GTPBP6: variants seen among roughly 807,000 people sequenced by gnomAD.
GTPBP6 encodes putative GTP-binding protein 6.
A neutral mutation model predicts 28.9 loss-of-function variants in GTPBP6; 33 were observed. The ratio of observed to expected loss-of-function variants is 1.14; its 90% CI spans 0.87 to 1.53. The LOEUF is 1.53. Among genes scored for constraint, GTPBP6 ranks in the 40% most tolerant of loss-of-function variants. The pLI, the probability that GTPBP6 is intolerant of heterozygous loss-of-function variation, is 0.00. For missense variants in GTPBP6, 507 were observed against 408.3 expected (o/e 1.24, Z -2.08); for synonymous variants, 231 against 192.7 (o/e 1.20, Z -1.65).
intron 1 of GTPBP6, among the ~76,000 whole-genome samples, chrX:317,569 T>TGGGGGTGGGGGGGGGGGG (rs1187572118): frequency 2.6e-5 from 3 of 117,548 alleles, no homozygotes; most frequent in Admixed American, 9.1e-5. Context: ...GGGTGGGGGG[T>TGGGGGTGGGGGGGGGGGG]GGGACTAGAC....
At chrX:315,198 G>A (rs1175924488) in intron 3 of GTPBP6, 31 bp downstream of exon 3, 5 of 398,638 alleles carry the variant, frequency 1.3e-5, no homozygotes, top group Admixed American at 4.4e-5. Context: ...GGAGTGCGGG[G>A]ACAAACACAG....
At chrX:309,550 G>A (rs1331423514) in intron 7 of GTPBP6, among the ~76,000 whole-genome samples, 2 of 152,182 alleles carry the variant, frequency 1.3e-5, no homozygotes, top group Non-Finnish European at 1.5e-5. Context: ...GTTAAGATGA[G>A]GTTACCCTGG....
At chrX:312,670 C>G (rs750761923) in intron 6 of GTPBP6, 96 bp downstream of exon 6, 1 of 1,286,550 alleles carries the variant, frequency 7.8e-7, no homozygotes, top group East Asian at 2.4e-5. Flanking sequence ...TCGTACGGCA[C>G]CACTGAGACG....
At chrX:314,293 G>A in intron 4 of GTPBP6, 76 bp from the exon 5 acceptor site, 2 of 1,232,200 alleles carry the variant, frequency 1.6e-6, no homozygotes, top group East Asian at 4.7e-5. Flanking sequence ...TGAAGGTGAA[G>A]GGGGCACTGA....
chrX:313,845 G>C (rs944460490), intron 5 of GTPBP6, among the ~76,000 whole-genome samples: 1 of 152,174 alleles, frequency 6.6e-6, no homozygotes, highest in African/African-American at 2.4e-5. Flanking sequence ...TTGGTGTCCA[G>C]GAGGGGAGAG....
rs1318430770 is a variant in GTPBP6, at chrX:315,222, G to A, written c.558+7C>T. 98 of 398,666 alleles carry A rather than the reference G, an allele frequency of 2.5e-4. No individual in the cohort carries two copies. The highest frequency in any genetic ancestry group is 1.7e-3 in the African/African-American group (81 of 48,760). 24.7% of individuals were successfully genotyped at this position (398,666 alleles called of 1,614,324 possible). A position where few individuals can be genotyped will look rare whatever the true frequency, so the allele number is the denominator to read the frequency against. ...GGACAAACACAGCAAGCCACATCCTGTGGTACCTTGGTCGGGGCAGCCATC... is the reference window on the plus strand; with the variant it reads ...GGACAAACACAGCAAGCCACATCCTATGGTACCTTGGTCGGGGCAGCCATC... On this transcript the variant is annotated splice_region_variant and intron_variant, in intron 3 of 9. Coordinates refer to ENST00000326153, the Ensembl canonical transcript of GTPBP6.
intron 5 of GTPBP6, among the ~76,000 whole-genome samples, 182 bp from the exon 6 acceptor site, chrX:313,106 C>T (rs546341864): frequency 1.4e-4 from 22 of 152,320 alleles, no homozygotes; most frequent in South Asian, 8.3e-4. Flanking sequence ...CTCTGCTCGG[C>T]GGAACGGGAT....
chrX:313,815 C>G (rs2070365773), intron 5 of GTPBP6, among the ~76,000 whole-genome samples: 1 of 152,188 alleles, frequency 6.6e-6, no homozygotes. Flanking sequence ...CAGCCCTGTC[C>G]TCACCTTGAT....
chrX:314,599 A>T (rs1456868560), intron 4 of GTPBP6, among the ~76,000 whole-genome samples: 1 of 151,336 alleles, frequency 6.6e-6, no homozygotes, highest in African/African-American at 2.4e-5. Context: ...CAGCCTCCTG[A>T]GTAGCTGGGA....
chrX:311,381 G>T, intron 7 of GTPBP6, 38 bp downstream of exon 7: 1 of 1,499,776 alleles, frequency 6.7e-7, no homozygotes, highest in Non-Finnish European at 9.2e-7. Flanking sequence ...TGCCGAATGG[G>T]TGTCCGAGCA....
At chrX:307,613 C>G in intron 8 of GTPBP6, 101 bp from the exon 9 acceptor site, 1 of 1,455,268 alleles carries the variant, frequency 6.9e-7, no homozygotes, top group Non-Finnish European at 9.3e-7. Context: ...AGTCTGGGGC[C>G]ACTCCCTGTG....
chrX:310,362 A>G (rs2070260306), intron 7 of GTPBP6, among the ~76,000 whole-genome samples: 1 of 130,440 alleles, frequency 7.7e-6, no homozygotes, highest in Admixed American at 7.6e-5. Context: ...GGACGCCTGG[A>G]GCCCCCAGGA....
exon 1 of GTPBP6, chrX:318,680 T>C (rs2070485139): frequency 2.5e-6 from 1 of 392,646 alleles, no homozygotes; most frequent in African/African-American, 2.1e-5. Context: ...CGACAGCGGC[T>C]AGCGCGCGCG....
chrX:315,785 A>G lies in GTPBP6; in HGVS notation c.488-486T>C, dbSNP rs1234527522. Among the ~76,000 whole-genome samples the G allele has an allele frequency of 2.9e-4, 7 of 24,556 alleles. 2 individuals carry two copies. Among genetic ancestry groups the G allele is most frequent in the Admixed American group, 1.8e-3 (3 of 1,680 alleles). 16.1% of individuals were successfully genotyped at this position (24,556 alleles called of 152,430 possible). On this transcript the variant is annotated intron_variant, in intron 2 of 9. Transcript: ENST00000326153. ...CACACAAACACAGTAAACACATCCC[A>G]GCAGGGACACAAACACATACACACG...
At chrX:311,102 C>G (rs925229048) in intron 7 of GTPBP6, among the ~76,000 whole-genome samples, 1 of 151,430 alleles carries the variant, frequency 6.6e-6, no homozygotes, top group Non-Finnish European at 1.5e-5. Flanking sequence ...GGGGCAACCG[C>G]TCAGCCTCTC....
Position 312,074 on chromosome X carries a change from G to A in GTPBP6, c.917-447C>T, listed in dbSNP as rs772131196. 1.6e-4 allele frequency: 71 copies of A among 452,082 alleles called. 2 individuals are homozygous for A. The highest frequency in any genetic ancestry group is 1.2e-3 in the South Asian group (69 of 57,194). 28.0% of individuals were successfully genotyped at this position (452,082 alleles called of 1,614,324 possible). On this transcript the variant is annotated intron_variant, in intron 6 of 9. Coordinates refer to ENST00000326153, the Ensembl canonical transcript of GTPBP6. The stretch of plus-strand genomic sequence containing the variant: ...TGACAGAAGGATGGTGTAGACAGAG[G>A]AGAGGCGATGGTGTAGACAGATGGG...
Position 312,158 on chromosome X carries a change from G to A in GTPBP6, c.917-531C>T, listed in dbSNP as rs1279428900. On this transcript the variant is annotated intron_variant, in intron 6 of 9. Transcript: ENST00000326153. ...GCAGTGGTGCCAGTGTAGACAGGAGGACGGTGCAGACGAAGGGGACATTGT... is the reference window on the plus strand; with the variant it reads ...GCAGTGGTGCCAGTGTAGACAGGAGAACGGTGCAGACGAAGGGGACATTGT... The A allele has an allele frequency of 1.5e-5, 7 of 466,806 alleles. 1 individual carries two copies. The highest frequency in any genetic ancestry group is 1.7e-5 in the Non-Finnish European group (4 of 234,286). The allele number at this position is 466,806 out of a possible 1,614,324, so 28.9% of individuals were successfully genotyped here. A position where few individuals can be genotyped will look rare whatever the true frequency, so the allele number is the denominator to read the frequency against.
chrX:318,723 G>C (rs1311243648), exon 1 of GTPBP6: 171 of 348,434 alleles, frequency 4.9e-4, no homozygotes, highest in African/African-American at 3.4e-3. Context: ...CCGCGGAGCC[G>C]AGCGGCCGCG....
intron 3 of GTPBP6, 61 bp downstream of exon 3, chrX:315,168 C>A (rs1476396641): frequency 1.7e-4 from 58 of 345,444 alleles, no homozygotes; most frequent in African/African-American, 1.3e-3. Flanking sequence ...GACGCCGTGG[C>A]GTCCCCTCCT....
Sources: allele counts gnomAD v4.1 joint callset (sites outside exome capture counted in the v4.1 genomes callset), GRCh38; gene constraint gnomAD v4.1.1; transcripts MANE v1.5; gene names NCBI Gene and HGNC (gene_info 2026-07-23, HGNC 2026-07-21).